Variants in MAP3K2 observed in about 807,000 individuals in gnomAD.
MAP3K2 encodes the protein MAP/ERK kinase kinase 2.
A neutral mutation model predicts 80.3 loss-of-function variants in MAP3K2; 24 were observed. The ratio of observed to expected loss-of-function variants is 0.30; its 90% CI spans 0.22 to 0.42. The LOEUF is 0.42. MAP3K2 is among the 10% of genes least tolerant of loss of function. MAP3K2 has a pLI of 1.00. For missense variants in MAP3K2, 608 were observed against 750.1 expected (o/e 0.81, Z 2.21); for synonymous variants, 244 against 253.7 (o/e 0.96, Z 0.36).
chr2:127,365,156 C>CAAAAAAAAAA (rs1686950958), intron 1 of MAP3K2, among the ~76,000 whole-genome samples: 1 of 80,614 alleles, frequency 1.2e-5, no homozygotes, highest in Non-Finnish European at 2.6e-5. Context: ...AAAAAAAAAG[C>CAAAAAAAAAA]TACTATTTAT....
chr2:127,320,164 CAATT>C (rs1438664864), intron 12 of MAP3K2, among the ~76,000 whole-genome samples: 1 of 151,990 alleles, frequency 6.6e-6, no homozygotes, highest in Non-Finnish European at 1.5e-5. Context: ...AAAGAGAAAG[CAATT>C]AATACAACCA....
intron 1 of MAP3K2, among the ~76,000 whole-genome samples, chr2:127,374,610 T>C (rs1687118739): frequency 6.6e-6 from 1 of 152,256 alleles, no homozygotes; most frequent in Admixed American, 6.5e-5. Context: ...GGCAAACAGA[T>C]GTTACACGCA....
intron 1 of MAP3K2, among the ~76,000 whole-genome samples, chr2:127,348,883 G>C (rs890727639): frequency 6.6e-6 from 1 of 152,004 alleles, no homozygotes; most frequent in Non-Finnish European, 1.5e-5. Context: ...ACAGAAGTTC[G>C]GGCTCAGTAT....
Position 127,301,314 on chromosome 2 carries a change from A to G in MAP3K2, c.*6265T>C, listed in dbSNP as rs1302955011. On this transcript the variant is annotated 3_prime_UTR_variant, in exon 17 of 17. Transcript: ENST00000682094. ...AGGCATCAGACGTTAATGTCTGTCT[A>G]TGTGAATCAGTGGTCAAGTGACATT... 3.3e-5 allele frequency: 5 copies of G among 152,244 alleles called. No homozygotes were observed. Among genetic ancestry groups the G allele is most frequent in the Non-Finnish European group, 1.5e-5 (1 of 68,044 alleles). The allele number at this position is 152,244 out of a possible 1,614,324, so 9.4% of individuals were successfully genotyped here.
upstream of MAP3K2, chr2:127,388,122 G>A (rs1426439557): frequency 2.0e-6 from 2 of 984,702 alleles, no homozygotes; most frequent in Non-Finnish European, 2.4e-6. Flanking sequence ...CCCACACACA[G>A]GCCACCGCCC....
rs1686363453 is a variant in MAP3K2 at position 127,335,961 on chromosome 2, T to C, written c.173A>G (p.Gln58Arg). 3 of 1,547,578 alleles carry C rather than the reference T, an allele frequency of 1.9e-6. No individual in the cohort carries two copies. Among genetic ancestry groups the C allele is most frequent in the East Asian group, 2.3e-5 (1 of 42,680 alleles). ...TTCCAGTTTAACTGGTCTGGGGAACTGAAGGATTCTATATAAACACAATTT... is the reference window on the plus strand; with the variant it reads ...TTCCAGTTTAACTGGTCTGGGGAACCGAAGGATTCTATATAAACACAATTT... ...FEHRGEKRIL[Q>R]FPRPVKLEDL... The change falls in exon 5 of 17, where the codon CAG (glutamine) becomes CGG (arginine). Residue 58 changes from glutamine (Q) to arginine (R), a missense_variant. Transcript: ENST00000682094.
chr2:127,312,972 A>T (rs72964344), intron 15 of MAP3K2, among the ~76,000 whole-genome samples: 13,298 of 152,034 alleles, frequency 0.087, 779 homozygotes, highest in African/African-American at 0.17. Flanking sequence ...TCTTAAAAAA[A>T]AAAAAAATAA....
At chr2:127,328,598 G>T (rs970308867) in intron 7 of MAP3K2, among the ~76,000 whole-genome samples, 1 of 152,138 alleles carries the variant, frequency 6.6e-6, no homozygotes, top group African/African-American at 2.4e-5. Flanking sequence ...AAATATATCT[G>T]AATGCAAAAG....
intron 9 of MAP3K2, 69 bp downstream of exon 9, chr2:127,325,659 G>T: frequency 7.8e-7 from 1 of 1,277,982 alleles, no homozygotes; most frequent in Non-Finnish European, 1.1e-6. Context: ...CTGCGCTCCA[G>T]CCTGGGTGAC....
At position 127,366,875 on chromosome 2, in the gene MAP3K2, T is replaced by G. The variant is rs901862027; in HGVS notation, c.-66+20577A>C. On this transcript the variant is annotated intron_variant, in intron 1 of 16. Transcript: ENST00000682094. Reference sequence around the variant, plus strand: ...TGTCCCACAGTCAAGGGTTTTTTTTTTTTTTTTTTTTTTTGAGACAGAGTC... The same window carrying G: ...TGTCCCACAGTCAAGGGTTTTTTTTGTTTTTTTTTTTTTTGAGACAGAGTC... Among the ~76,000 whole-genome samples, 13 of 136,000 alleles carry G rather than the reference T, an allele frequency of 9.6e-5. 1 individual carries two copies. The highest frequency in any genetic ancestry group is 3.5e-4 in the African/African-American group (12 of 34,722). 89.2% of individuals were successfully genotyped at this position (136,000 alleles called of 152,430 possible). A position where few individuals can be genotyped will look rare whatever the true frequency, so the allele number is the denominator to read the frequency against.
chr2:127,318,210 T>G lies in MAP3K2; in HGVS notation c.1153A>C (p.Lys385Gln). Residue 385 changes from lysine to glutamine, a missense_variant, in exon 13 of 17, where the codon AAG (lysine) becomes CAG (glutamine). This residue lies in a region of MAP3K2 where 467 missense variants were observed against 521.9 expected (regional missense o/e 0.89). Coordinates refer to ENST00000682094, the MANE Select transcript of MAP3K2 (RefSeq NM_001371910.2). ...DVDTGRELAV[K>Q]QVQFDPDSPE... ...CTATCGGGGTCAAATTGAACTTGCT[T>G]AACAGCCAATTCTCTTCCTGTATCA... is the stretch of plus-strand genomic sequence containing the variant. 1.9e-6 allele frequency: 3 copies of G among 1,610,772 alleles called. No homozygotes were observed. The highest frequency in any genetic ancestry group is 2.5e-6 in the Non-Finnish European group (3 of 1,178,656).
rs1309429843 is a variant in MAP3K2, at chr2:127,301,663, GTTA to G, written c.*5913_*5915del. ...ATGGTACTGATTTAATGCCTTTGCT[GTTA>G]TTAACAAAAATACCATATGACTATC... On this transcript the variant is annotated 3_prime_UTR_variant, in exon 17 of 17. Transcript: ENST00000682094. 7 of 152,284 alleles carry G rather than the reference GTTA, an allele frequency of 4.6e-5. No homozygotes were observed. Among genetic ancestry groups the G allele is most frequent in the African/African-American group, 1.7e-4 (7 of 41,558 alleles). The allele number at this position is 152,284 out of a possible 1,614,324, so 9.4% of individuals were successfully genotyped here. A position where few individuals can be genotyped will look rare whatever the true frequency, so the allele number is the denominator to read the frequency against.
intron 1 of MAP3K2, 27 bp from the exon 2 acceptor site, chr2:127,343,221 T>C (rs1686533821): frequency 3.3e-6 from 3 of 917,006 alleles, no homozygotes; most frequent in South Asian, 3.6e-5. Context: ...GATCAGCATA[T>C]TAATAAAAAG....
intron 1 of MAP3K2, among the ~76,000 whole-genome samples, chr2:127,343,530 C>T (rs1233872060): frequency 1.3e-5 from 2 of 152,006 alleles, no homozygotes. Context: ...AGGCCTTCTA[C>T]AAATCAGCAA....
Position 127,353,068 on chromosome 2 carries a change from G to A in MAP3K2, c.-65-9874C>T, listed in dbSNP as rs563118215. On this transcript the variant is annotated intron_variant, in intron 1 of 16. Transcript: ENST00000682094. Reference sequence around the variant, plus strand: ...TGGCTACAACCTCCACCTCCCAGCCGCCTGCCTTGGCCTCCCAAAGTGCCG... The same window carrying A: ...TGGCTACAACCTCCACCTCCCAGCCACCTGCCTTGGCCTCCCAAAGTGCCG... Among the ~76,000 whole-genome samples, 302 of 152,150 alleles carry A rather than the reference G, an allele frequency of 2.0e-3. 4 individuals are homozygous for A. Among genetic ancestry groups the A allele is most frequent in the African/African-American group, 7.1e-3 (294 of 41,450 alleles).
intron 12 of MAP3K2, among the ~76,000 whole-genome samples, chr2:127,320,655 C>T (rs1237564839): frequency 1.3e-5 from 2 of 152,078 alleles, no homozygotes; most frequent in African/African-American, 4.8e-5. Context: ...ACAAATATAC[C>T]TAGACACGTC....
intron 2 of MAP3K2, among the ~76,000 whole-genome samples, 181 bp downstream of exon 2, chr2:127,342,945 C>T (rs193174964): frequency 1.4e-3 from 209 of 152,286 alleles, no homozygotes; most frequent in Admixed American, 4.2e-3. Context: ...TCTAAAACTA[C>T]AGCAACACAA....
intron 1 of MAP3K2, among the ~76,000 whole-genome samples, chr2:127,352,005 T>C (rs1305673943): frequency 2.0e-5 from 3 of 152,186 alleles, no homozygotes; most frequent in African/African-American, 4.8e-5. Flanking sequence ...GCCACCCAAG[T>C]AGCTGGTACT....
chr2:127,355,158 G>C (rs925684464), intron 1 of MAP3K2, among the ~76,000 whole-genome samples: 1 of 152,050 alleles, frequency 6.6e-6, no homozygotes, highest in Non-Finnish European at 1.5e-5. Flanking sequence ...TAACTGTTTG[G>C]AATTTGACAG....
Sources: gnomAD v4.1 joint callset for allele counts (sites outside exome capture counted in the v4.1 genomes callset) on GRCh38, gnomAD v4.1.1 for gene constraint, gnomAD v4.1.1 regional missense constraint, MANE v1.5 for transcripts, NCBI Gene and HGNC (gene_info 2026-07-23, HGNC 2026-07-21) for gene names.